Variants in ALS2 observed in about 807,000 individuals in gnomAD.
ALS2 encodes the protein alsin.
A neutral mutation model predicts 203.4 loss-of-function variants in ALS2; 117 were observed. The ratio of observed to expected loss-of-function variants is 0.58; its 90% CI spans 0.50 to 0.67. The LOEUF (loss-of-function observed/expected upper bound fraction) is 0.67. ALS2 is among the 30% of genes least tolerant of loss of function. The pLI is 0.00. For synonymous variants in ALS2, 718 were observed against 725.9 expected, an observed-to-expected ratio of 0.99 and a Z score of 0.17; for missense variants, 1,715 against 1,989.4, an observed-to-expected ratio of 0.86 and a Z score of 2.62.
At chr2:201,756,700 G>A (rs1056959323) in intron 5 of ALS2, among the ~76,000 whole-genome samples, 1 of 152,200 alleles carries the variant, frequency 6.6e-6, no homozygotes, top group Non-Finnish European at 1.5e-5. Flanking sequence ...TTTCTCTTTG[G>A]CTCTTTACAG....
intron 9 of ALS2, 141 bp downstream of exon 9, chr2:201,746,425 G>T: frequency 1.1e-6 from 1 of 900,028 alleles, no homozygotes; most frequent in Non-Finnish European, 1.8e-6. Context: ...GGAGTGAAGG[G>T]GGCTTGAAAG....
At chr2:201,772,884 T>C (rs1040443441) in intron 1 of ALS2, among the ~76,000 whole-genome samples, 10 of 126,694 alleles carry the variant, frequency 7.9e-5, no homozygotes, top group Admixed American at 1.9e-4. Flanking sequence ...ATTTTTGAGA[T>C]GGAGTCTTGC....
At chr2:201,738,638 GA>G (rs954277913) in intron 12 of ALS2, 31 bp downstream of exon 12, 1 of 1,597,620 alleles carries the variant, frequency 6.3e-7, no homozygotes, top group Non-Finnish European at 8.6e-7. Flanking sequence ...TTGGCGGAGA[GA>G]ATGATAACTG....
At position 201,709,876 on chromosome 2, in the gene ALS2, C is replaced by G. The variant is rs1280832376; in HGVS notation, c.4280+5G>C. 5 of 1,614,002 alleles carry G rather than the reference C, an allele frequency of 3.1e-6. No individual in the cohort carries two copies. The highest frequency in any genetic ancestry group is 4.2e-6 in the Non-Finnish European group (5 of 1,179,958). ...CCCGCAGACTTTAGTGAAAAGCTCTCTTACCTCACCAGCTGGAAAATTCGC... is the reference window on the plus strand; with the variant it reads ...CCCGCAGACTTTAGTGAAAAGCTCTGTTACCTCACCAGCTGGAAAATTCGC... On this transcript the variant is annotated splice_donor_5th_base_variant and intron_variant, in intron 27 of 33. Coordinates refer to ENST00000264276, the MANE Select transcript of ALS2 (RefSeq NM_020919.4).
At chr2:201,775,118 C>T (rs978953497) in intron 1 of ALS2, among the ~76,000 whole-genome samples, 39 of 152,062 alleles carry the variant, frequency 2.6e-4, no homozygotes, top group African/African-American at 8.9e-4. Flanking sequence ...ATTAGAATGA[C>T]AAGACATTCA....
chr2:201,727,401 T>C, intron 16 of ALS2, 123 bp from the exon 17 acceptor site: 2 of 922,894 alleles, frequency 2.2e-6, no homozygotes, highest in Non-Finnish European at 3.5e-6. Flanking sequence ...ATGTAAATGC[T>C]TGCTTGGTTT....
In ALS2 at chr2:201,757,546, G is replaced by T; in HGVS notation, c.1327C>A (p.Pro443Thr). 6 of 1,613,978 alleles carry T rather than the reference G, an allele frequency of 3.7e-6. No individual in the cohort carries two copies. The highest frequency in any genetic ancestry group is 5.1e-6 in the Non-Finnish European group (6 of 1,180,000). Residue 443 changes from proline to threonine, a missense_variant, in exon 5 of 34, where the codon CCC (proline) becomes ACC (threonine). This residue lies in a region of ALS2 where 476 missense variants were observed against 539.3 expected (regional missense o/e 0.88). Coordinates refer to ENST00000264276, the MANE Select transcript of ALS2 (RefSeq NM_020919.4). Reference protein sequence around the residue: ...GAQAGSSAIGPEGLKDSREEQ... With the variant: ...GAQAGSSAIGTEGLKDSREEQ... ...TCCCTGCTATCTTTCAAACCTTCGG[G>T]GCCAATGGCACTACTGCCTGCCTGA...
chr2:201,756,999 A>C (rs1179519809), intron 5 of ALS2, among the ~76,000 whole-genome samples: 1 of 152,204 alleles, frequency 6.6e-6, no homozygotes, highest in African/African-American at 2.4e-5. Context: ...GTCTCAGAAA[A>C]TGAAATTTTC....
At chr2:201,707,050 G>T (rs1486398691) in intron 28 of ALS2, 28 bp from the exon 29 acceptor site, 1 of 1,593,790 alleles carries the variant, frequency 6.3e-7, no homozygotes, top group Middle Eastern at 1.7e-4. Context: ...GGGAGAAAAG[G>T]AGCATTTTTC....
chr2:201,758,705 C>T (rs1693552060), intron 4 of ALS2, among the ~76,000 whole-genome samples: 1 of 151,552 alleles, frequency 6.6e-6, no homozygotes, highest in Non-Finnish European at 1.5e-5. Flanking sequence ...AGGGAATATA[C>T]ACATTCCTTC....
intron 1 of ALS2, among the ~76,000 whole-genome samples, chr2:201,770,501 A>T (rs925015628): frequency 6.6e-6 from 1 of 152,054 alleles, no homozygotes; most frequent in African/African-American, 2.4e-5. Context: ...TGTTTTTACA[A>T]CTTTCTTTTC....
At chr2:201,735,114 C>T (rs927945049) in intron 12 of ALS2, among the ~76,000 whole-genome samples, 2 of 151,816 alleles carry the variant, frequency 1.3e-5, no homozygotes, top group East Asian at 3.9e-4. Context: ...CACAGAACGA[C>T]AAATAAATAC....
intron 1 of ALS2, among the ~76,000 whole-genome samples, chr2:201,773,087 C>A (rs1694483824): frequency 6.6e-6 from 1 of 152,044 alleles, no homozygotes. Context: ...GTCTTGAAAT[C>A]CTGACCTTGT....
intron 26 of ALS2, among the ~76,000 whole-genome samples, chr2:201,710,465 G>A (rs1182858422): frequency 1.3e-5 from 2 of 151,064 alleles, no homozygotes; most frequent in East Asian, 3.9e-4. Flanking sequence ...ATTTTAAAAA[G>A]ATTCAAATAT....
In ALS2 at chr2:201,715,618, TA is replaced by T. The variant is rs1247131189; in HGVS notation, c.4004+53del. 8.4e-5 allele frequency: 134 copies of T among 1,603,452 alleles called. No homozygotes were observed. In the Admixed American group the frequency reaches 2.2e-3, roughly 27 times the overall value. Reference sequence around the variant, plus strand: ...GTGAGCCTTGACTACTTACTGGTCTTAAGTTTCATCTTCCTAACATGCTCTG... The same window carrying T: ...GTGAGCCTTGACTACTTACTGGTCTTAGTTTCATCTTCCTAACATGCTCTG... On this transcript the variant is annotated intron_variant, in intron 25 of 33. Transcript: ENST00000264276.
At chr2:201,704,365 G>C in intron 32 of ALS2, 89 bp downstream of exon 32, 1 of 1,542,610 alleles carries the variant, frequency 6.5e-7, no homozygotes, top group South Asian at 1.1e-5. Flanking sequence ...TCTAGTGGAA[G>C]AGCGTACTCC....
rs776458373 is a variant in ALS2 at position 201,761,502 on chromosome 2, T to C, written c.492A>G (p.Ala164=). The C allele has an allele frequency of 8.7e-6, 14 of 1,613,120 alleles. No individual in the cohort carries two copies. The highest frequency in any genetic ancestry group is 1.7e-5 in the Admixed American group (1 of 60,020). The change falls in exon 4 of 34, where the codon GCA becomes GCG. Residue 164 remains alanine (A), a synonymous_variant. Coordinates refer to ENST00000264276, the MANE Select transcript of ALS2 (RefSeq NM_020919.4). ...QLACGEEHTL[A]LSISREIWAW... ...CCCAAATCTCTCTGCTTATTGACAA[T>C]GCCAGAGTGTGCTCCTCGCCACACG...
intron 4 of ALS2, chr2:201,759,527 A>G (rs948891141): frequency 2.3e-5 from 23 of 981,102 alleles, no homozygotes; most frequent in African/African-American, 2.1e-4. Context: ...AAAACTTCCA[A>G]TGTTTAACAA....
chr2:201,739,353 G>C (rs1692112218), intron 11 of ALS2, among the ~76,000 whole-genome samples: 1 of 151,904 alleles, frequency 6.6e-6, no homozygotes, highest in Non-Finnish European at 1.5e-5. Context: ...CTATTACGTG[G>C]TAACTTAATT....
Sources: allele counts gnomAD v4.1 joint callset (sites outside exome capture counted in the v4.1 genomes callset), GRCh38; gene constraint gnomAD v4.1.1; regional missense constraint gnomAD v4.1.1; transcripts MANE v1.5; gene names NCBI Gene and HGNC (gene_info 2026-07-23, HGNC 2026-07-21).